Variants in NUBP1 observed in about 807,000 individuals in gnomAD.
NUBP1 encodes the protein cytosolic Fe-S cluster assembly factor NUBP1.
Under a neutral mutation model 41.8 loss-of-function variants are expected in NUBP1, and 46 were observed. The observed-to-expected ratio is 1.10, with a 90% CI of 0.87 to 1.41. NUBP1 has a LOEUF of 1.41. Among genes scored for constraint, NUBP1 ranks in the 40% most tolerant of loss-of-function variants. The probability of loss-of-function intolerance (pLI) is 0.00; values close to 1 mark genes in which losing one functional copy is unlikely to be tolerated. For synonymous variants in NUBP1, 189 were observed against 154.6 expected (o/e 1.22, Z -1.65); for missense variants, 494 against 414.0 (o/e 1.19, Z -1.68).
At chr16:10,756,253 C>T (rs1433396069) in intron 5 of NUBP1, among the ~76,000 whole-genome samples, 1 of 152,100 alleles carries the variant, frequency 6.6e-6, no homozygotes, top group East Asian at 1.9e-4. Flanking sequence ...GTGGCACGCG[C>T]CTGTAACACT....
chr16:10,760,484 G>A (rs1232612005), intron 7 of NUBP1, among the ~76,000 whole-genome samples: 1 of 152,350 alleles, frequency 6.6e-6, no homozygotes, highest in South Asian at 2.1e-4. Context: ...AGTGGCTCAC[G>A]CCTCTAACCC....
chr16:10,769,020 C>A lies in NUBP1; in HGVS notation c.905-27C>A, dbSNP rs201978663. The A allele has an allele frequency of 1.9e-6, 3 of 1,612,436 alleles. No homozygotes were observed. In the East Asian group the frequency reaches 6.7e-5, roughly 36 times the overall value. ...TCAAGGGGTAGACAAGCCATTAGCA[C>A]TCTATGCCTGTCGTCTTGTTTTCCA... is the stretch of plus-strand genomic sequence containing the variant. On this transcript the variant is annotated intron_variant, in intron 10 of 10. Coordinates refer to ENST00000283027, the MANE Select transcript of NUBP1 (RefSeq NM_002484.4).
chr16:10,762,773 G>T (rs374811026), intron 9 of NUBP1, among the ~76,000 whole-genome samples: 6 of 151,392 alleles, frequency 4.0e-5, no homozygotes, highest in African/African-American at 1.4e-4. Context: ...GGGCCGGGCG[G>T]GTGAAGTATG....
chr16:10,761,217 G>C, intron 7 of NUBP1, 147 bp from the exon 8 acceptor site: 3 of 621,594 alleles, frequency 4.8e-6, no homozygotes, highest in East Asian at 3.0e-5. Flanking sequence ...GATTTGGATG[G>C]GGACACAGAG....
At chr16:10,754,390 A>T (rs1465296097) in intron 4 of NUBP1, among the ~76,000 whole-genome samples, 1 of 151,806 alleles carries the variant, frequency 6.6e-6, no homozygotes, top group Non-Finnish European at 1.5e-5. Flanking sequence ...TTACAGACAC[A>T]CGCCACCACG....
At chr16:10,744,754 CT>C (rs200267003) in intron 2 of NUBP1, among the ~76,000 whole-genome samples, 12 of 151,628 alleles carry the variant, frequency 7.9e-5, no homozygotes, top group Admixed American at 1.3e-4. Context: ...ATTTTTTTTT[CT>C]TTTTTTTCCC....
Position 10,759,166 on chromosome 16 carries a change from C to A in NUBP1, c.606+1139C>A, listed in dbSNP as rs375986776. On this transcript the variant is annotated intron_variant, in intron 7 of 10. Transcript: ENST00000283027. This position sits in a 1 kb window ranked among gnomAD's most constrained non-coding sequence, Gnocchi z 4.7. ...TGAGCTCTGACTCTGACATGCCGGGCACCAGGGCAGTAAAAAGGCCTGGCT... is the reference window on the plus strand; with the variant it reads ...TGAGCTCTGACTCTGACATGCCGGGAACCAGGGCAGTAAAAAGGCCTGGCT... Among the ~76,000 whole-genome samples the A allele has an allele frequency of 2.1e-4, 32 of 152,342 alleles. No individual in the cohort carries two copies. Among genetic ancestry groups the A allele is most frequent in the African/African-American group, 7.7e-4 (32 of 41,588 alleles).
chr16:10,756,582 CCTGA>C (rs1366998627), intron 5 of NUBP1, 104 bp from the exon 6 acceptor site: 3 of 686,950 alleles, frequency 4.4e-6, no homozygotes, highest in Non-Finnish European at 7.0e-6. Context: ...GTAGTTTTGT[CCTGA>C]AAATGTTTTT....
At position 10,759,289 on chromosome 16, in the gene NUBP1, G is replaced by T. The variant is rs1007551140; in HGVS notation, c.606+1262G>T. The stretch of plus-strand genomic sequence containing the variant: ...GTGGCAGGCCCAGCGGCCATGGGAA[G>T]GGTGTCCGGGTCAGAAAATGGTGCA... On this transcript the variant is annotated intron_variant, in intron 7 of 10. Transcript: ENST00000283027. This position sits in a 1 kb window ranked among gnomAD's most constrained non-coding sequence, Gnocchi z 4.7. Among the ~76,000 whole-genome samples, 1 of 152,192 alleles carries T rather than the reference G, an allele frequency of 6.6e-6. No homozygotes were observed. The highest frequency in any genetic ancestry group is 1.5e-5 in the Non-Finnish European group (1 of 68,040).
Position 10,757,543 on chromosome 16 carries a change from CA to C in NUBP1, c.452-328del, listed in dbSNP as rs1900640332. Among the ~76,000 whole-genome samples, 1 of 152,188 alleles carries C rather than the reference CA, an allele frequency of 6.6e-6. No homozygotes were observed. Among genetic ancestry groups the C allele is most frequent in the Non-Finnish European group, 1.5e-5 (1 of 68,028 alleles). The stretch of plus-strand genomic sequence containing the variant: ...AAACAGTGTCCCTGGCCTTTACCCA[CA>C]AGATGCCAGTAGCACCCCCTACTCT... On this transcript the variant is annotated intron_variant, in intron 6 of 10. Transcript: ENST00000283027. This position sits in a 1 kb window ranked among gnomAD's most constrained non-coding sequence, Gnocchi z 4.1.
In NUBP1 at chr16:10,749,839, G is replaced by T. The variant is rs1900233899; in HGVS notation, c.258+2563G>T. 6.6e-6 allele frequency among the ~76,000 whole-genome samples: 1 copy of T among 152,224 alleles called. No individual in the cohort carries two copies. The highest frequency in any genetic ancestry group is 2.1e-4 in the South Asian group (1 of 4,834). On this transcript the variant is annotated intron_variant, in intron 3 of 10. Coordinates refer to ENST00000283027, the MANE Select transcript of NUBP1 (RefSeq NM_002484.4). This position sits in a 1 kb window ranked among gnomAD's most constrained non-coding sequence, Gnocchi z 4.1. ...GCACAAAGGGCCTTGGATCAAGAGA[G>T]AGCAGAATTAGAAAACACCCCTGAC... is the stretch of plus-strand genomic sequence containing the variant.
rs1482087531 is a variant in NUBP1, at chr16:10,757,783, C to T, written c.452-90C>T. 1 of 1,515,120 alleles carries T rather than the reference C, an allele frequency of 6.6e-7. No homozygotes were observed. The highest frequency in any genetic ancestry group is 9.0e-7 in the Non-Finnish European group (1 of 1,116,350). The allele number at this position is 1,515,120 out of a possible 1,614,324, so 93.9% of individuals were successfully genotyped here. On this transcript the variant is annotated intron_variant, in intron 6 of 10. Transcript: ENST00000283027. The surrounding 1 kb of genome is among the most constrained non-coding windows in gnomAD (Gnocchi z 4.1). ...TTAAGAGCCAACCTGGGCAACATAG[C>T]AAGACCCCATCCTTTAAAAAAAAAA... is the stretch of plus-strand genomic sequence containing the variant.
At chr16:10,760,598 A>G (rs1084545) in intron 7 of NUBP1, among the ~76,000 whole-genome samples, 114,385 of 152,058 alleles carry the variant, frequency 0.75, 43,121 homozygotes, top group South Asian at 0.85. Flanking sequence ...TTAGCCAGGC[A>G]GAGTAGCACA....
chr16:10,756,420 CATT>C (rs1248821628), intron 5 of NUBP1, among the ~76,000 whole-genome samples: 8 of 151,662 alleles, frequency 5.3e-5, no homozygotes, highest in Admixed American at 4.6e-4. Flanking sequence ...AAGGAGATGA[CATT>C]TACTTATTTT....
chr16:10,744,334 G>A (rs1379148351), intron 2 of NUBP1, among the ~76,000 whole-genome samples: 1 of 152,196 alleles, frequency 6.6e-6, no homozygotes, highest in Non-Finnish European at 1.5e-5. Flanking sequence ...GACCGGCGCG[G>A]AGTCGAAAGG....
rs1900213425 is a variant in NUBP1, at chr16:10,749,333, T to C, written c.258+2057T>C. Among the ~76,000 whole-genome samples the C allele has an allele frequency of 6.6e-6, 1 of 152,218 alleles. No individual in the cohort carries two copies. Among genetic ancestry groups the C allele is most frequent in the Non-Finnish European group, 1.5e-5 (1 of 68,044 alleles). Reference sequence around the variant, plus strand: ...TCAGGAATATTCCTAAACAGCTCACTGGAGATGGGCTTTCATCTCACCACT... The same window carrying C: ...TCAGGAATATTCCTAAACAGCTCACCGGAGATGGGCTTTCATCTCACCACT... On this transcript the variant is annotated intron_variant, in intron 3 of 10. Transcript: ENST00000283027. This position sits in a 1 kb window ranked among gnomAD's most constrained non-coding sequence, Gnocchi z 4.1.
rs1213163688 is a variant in NUBP1, at chr16:10,766,890, T to C, written c.821-1059T>C. The C allele has an allele frequency of 1.3e-5, 5 of 398,496 alleles. No homozygotes were observed. The highest frequency in any genetic ancestry group is 2.2e-5 in the Non-Finnish European group (5 of 226,086). 24.7% of individuals were successfully genotyped at this position (398,496 alleles called of 1,614,324 possible). A position where few individuals can be genotyped will look rare whatever the true frequency, so the allele number is the denominator to read the frequency against. ...CCTATGGAGAGGACATTTCCTGTTATGGCTCAAGTGCGAATTGGCCTTATG... is the reference window on the plus strand; with the variant it reads ...CCTATGGAGAGGACATTTCCTGTTACGGCTCAAGTGCGAATTGGCCTTATG... On this transcript the variant is annotated intron_variant, in intron 9 of 10. Coordinates refer to ENST00000283027, the MANE Select transcript of NUBP1 (RefSeq NM_002484.4). This position sits in a 1 kb window ranked among gnomAD's most constrained non-coding sequence, Gnocchi z 4.8.
chr16:10,761,476 T>C lies in NUBP1; in HGVS notation c.717+2T>C, dbSNP rs751694744. 1 of 1,612,092 alleles carries C rather than the reference T, an allele frequency of 6.2e-7. No individual in the cohort carries two copies. Among genetic ancestry groups the C allele is most frequent in the Admixed American group, 1.7e-5 (1 of 59,952 alleles). On this transcript the variant is annotated splice_donor_variant, in intron 8 of 10. Coordinates refer to ENST00000283027, the MANE Select transcript of NUBP1 (RefSeq NM_002484.4). LOFTEE classifies it high-confidence loss of function. ...GGCTTCATCTGTCCTAAGTGCAAGG[T>C]GAGGGCGCGTGGGGCTGCCAGGCGA...
At position 10,767,141 on chromosome 16, in the gene NUBP1, C is replaced by G. The variant is rs2031001846; in HGVS notation, c.821-808C>G. Reference sequence around the variant, plus strand: ...GCAGTGCAGTCACTTGCCTGTTTCGCCAGCAGCTCAGGCCTGGGGAGTGGG... The same window carrying G: ...GCAGTGCAGTCACTTGCCTGTTTCGGCAGCAGCTCAGGCCTGGGGAGTGGG... On this transcript the variant is annotated intron_variant, in intron 9 of 10. Transcript: ENST00000283027. The surrounding 1 kb of genome is among the most constrained non-coding windows in gnomAD (Gnocchi z 4.6). 2 of 398,894 alleles carry G rather than the reference C, an allele frequency of 5.0e-6. No individual in the cohort carries two copies. The highest frequency in any genetic ancestry group is 8.8e-6 in the Non-Finnish European group (2 of 226,278). The allele number at this position is 398,894 out of a possible 1,614,324, so 24.7% of individuals were successfully genotyped here.
Sources: allele counts gnomAD v4.1 joint callset (sites outside exome capture counted in the v4.1 genomes callset), GRCh38; gene constraint gnomAD v4.1.1; non-coding constraint Gnocchi (gnomAD v3.1); transcripts MANE v1.5; gene names NCBI Gene and HGNC (gene_info 2026-07-23, HGNC 2026-07-21).